PCBP3: variants seen among roughly 807,000 people sequenced by gnomAD.
PCBP3 encodes the protein poly(rC)-binding protein 3.
Under a neutral mutation model 52.7 loss-of-function variants are expected in PCBP3, and 25 were observed. The observed-to-expected ratio is 0.47, with a 90% confidence interval of 0.35 to 0.66. PCBP3 has a LOEUF of 0.66. Among genes scored for constraint, PCBP3 ranks in the 30% least tolerant of loss-of-function variants. The pLI, the probability that PCBP3 is intolerant of heterozygous loss-of-function variation, is 0.01. For missense variants in PCBP3, 391 were observed against 490.3 expected, an observed-to-expected ratio of 0.80 and a Z score of 1.91; for synonymous variants, 162 against 183.0, an observed-to-expected ratio of 0.89 and a Z score of 0.93.
At chr21:45,894,151 A>G in intron 5 of PCBP3, 1 of 442,240 alleles carries the variant, frequency 2.3e-6, no homozygotes, top group Non-Finnish European at 3.0e-6. Context: ...GTCCCAGGTG[A>G]CCCGCACGGC....
intron 6 of PCBP3, among the ~76,000 whole-genome samples, chr21:45,899,390 C>T (rs1040058447): frequency 1.3e-5 from 2 of 152,134 alleles, no homozygotes; most frequent in Admixed American, 6.5e-5. Context: ...AAGGAAGACC[C>T]GGCTCAGGGC....
chr21:45,857,177 T>C (rs2094332323), intron 5 of PCBP3, among the ~76,000 whole-genome samples: 1 of 152,202 alleles, frequency 6.6e-6, no homozygotes, highest in African/African-American at 2.4e-5. Context: ...GATGCAAATG[T>C]TCCCCCACAA....
intron 4 of PCBP3, among the ~76,000 whole-genome samples, chr21:45,806,119 C>T (rs1569247103): frequency 6.6e-6 from 1 of 152,258 alleles, no homozygotes; most frequent in Non-Finnish European, 1.5e-5. Context: ...GTCTGAGGAC[C>T]AGCAGCTCTG....
At chr21:45,812,405 T>C (rs1205251960) in intron 4 of PCBP3, among the ~76,000 whole-genome samples, 1 of 152,196 alleles carries the variant, frequency 6.6e-6, no homozygotes, top group Non-Finnish European at 1.5e-5. Context: ...TCCCTTAACA[T>C]TGTGTTGTTG....
At chr21:45,861,077 G>C (rs2094493577) in intron 5 of PCBP3, among the ~76,000 whole-genome samples, 1 of 152,156 alleles carries the variant, frequency 6.6e-6, no homozygotes, top group Non-Finnish European at 1.5e-5. Context: ...CTGCCTCTGG[G>C]CTGCTCCTTC....
chr21:45,885,938 A>T (rs984550041), intron 5 of PCBP3, among the ~76,000 whole-genome samples: 1 of 152,198 alleles, frequency 6.6e-6, no homozygotes, highest in Non-Finnish European at 1.5e-5. Flanking sequence ...TTTCTTTTTG[A>T]AATCTGGACC....
At chr21:45,721,139 G>A (rs918405797) in intron 2 of PCBP3, among the ~76,000 whole-genome samples, 1 of 152,226 alleles carries the variant, frequency 6.6e-6, no homozygotes, top group African/African-American at 2.4e-5. Context: ...GAGGCCAGGT[G>A]CAGTGGCTCA....
intron 4 of PCBP3, chr21:45,836,184 C>T (rs2093583726): frequency 6.6e-6 from 1 of 152,140 alleles, no homozygotes. Flanking sequence ...GGGATACAAA[C>T]AGAAGGAACC....
intron 2 of PCBP3, among the ~76,000 whole-genome samples, chr21:45,713,267 C>T (rs1317996225): frequency 6.6e-6 from 1 of 152,200 alleles, no homozygotes; most frequent in Non-Finnish European, 1.5e-5. Context: ...TCCTTGGCCT[C>T]GCATTCCAGA....
chr21:45,685,189 T>C (rs1034910842), intron 2 of PCBP3, among the ~76,000 whole-genome samples: 2 of 151,380 alleles, frequency 1.3e-5, no homozygotes, highest in African/African-American at 4.9e-5. Context: ...ATACCAAGAG[T>C]AGTCAAATTC....
At chr21:45,815,688 AGTGG>A (rs1456495707) in intron 4 of PCBP3, among the ~76,000 whole-genome samples, 3 of 76,542 alleles carry the variant, frequency 3.9e-5, no homozygotes, top group Admixed American at 1.2e-4. Flanking sequence ...GTGGTGAGTG[AGTGG>A]TGAGTGAGTG....
chr21:45,752,115 A>G (rs754116948), intron 3 of PCBP3, among the ~76,000 whole-genome samples: 2 of 151,964 alleles, frequency 1.3e-5, no homozygotes, highest in African/African-American at 2.4e-5. Flanking sequence ...TATGCCAAAG[A>G]TTTTTTATTT....
chr21:45,897,466 G>A (rs900593290), intron 6 of PCBP3, among the ~76,000 whole-genome samples: 6 of 152,152 alleles, frequency 3.9e-5, no homozygotes, highest in African/African-American at 4.8e-5. Context: ...CCTGTCAGCC[G>A]CTCCCAGGAA....
intron 2 of PCBP3, among the ~76,000 whole-genome samples, chr21:45,725,562 G>C (rs1456992640): frequency 1.3e-5 from 2 of 152,214 alleles, no homozygotes. Context: ...CTGGGGGCCT[G>C]CCTCCACAGT....
intron 2 of PCBP3, among the ~76,000 whole-genome samples, chr21:45,727,338 A>G (rs935931448): frequency 2.0e-5 from 3 of 152,146 alleles, no homozygotes; most frequent in African/African-American, 4.8e-5. Context: ...TCACTTGTTC[A>G]TATGTGTGTG....
intron 4 of PCBP3, among the ~76,000 whole-genome samples, chr21:45,843,453 A>G (rs2093740401): frequency 6.6e-6 from 1 of 152,016 alleles, no homozygotes; most frequent in Non-Finnish European, 1.5e-5. Context: ...CTTTCTGTGG[A>G]TACTTTCTGT....
intron 5 of PCBP3, among the ~76,000 whole-genome samples, chr21:45,862,394 A>G (rs1293505418): frequency 2.6e-5 from 4 of 152,218 alleles, no homozygotes; most frequent in East Asian, 1.9e-4. Flanking sequence ...TATTTCATGT[A>G]TAATAGCAAG....
At chr21:45,761,112 C>T (rs1029982480) in intron 4 of PCBP3, 7 of 152,172 alleles carry the variant, frequency 4.6e-5, no homozygotes, top group African/African-American at 1.4e-4. Context: ...AAGAGCTGCT[C>T]CTCAGAACTC....
At chr21:45,729,819 G>A (rs1213346276) in intron 2 of PCBP3, among the ~76,000 whole-genome samples, 1 of 151,962 alleles carries the variant, frequency 6.6e-6, no homozygotes, top group African/African-American at 2.4e-5. Context: ...TTTAGAGACA[G>A]AGGCTTGCTC....
Sources: gnomAD v4.1 joint callset for allele counts (sites outside exome capture counted in the v4.1 genomes callset) on GRCh38, gnomAD v4.1.1 for gene constraint, MANE v1.5 for transcripts, NCBI Gene and HGNC (gene_info 2026-07-23, HGNC 2026-07-21) for gene names.